The following ACER3 variants were observed in gnomAD, a reference collection of about 807,000 sequenced individuals.
ACER3 encodes the protein alkaline ceramidase 3.
ACER3 carries 16 observed loss-of-function variants against 48.9 expected under a neutral mutation model. The ratio of observed to expected loss-of-function variants is 0.33; its 90% CI spans 0.22 to 0.50. The LOEUF is 0.50. Ranked by LOEUF, ACER3 falls within the 20% of genes least tolerant of loss-of-function variation. ACER3 has a pLI of 0.98. For synonymous variants in ACER3, 109 were observed against 107.8 expected (o/e 1.01, Z -0.07); for missense variants, 227 against 326.0 (o/e 0.70, Z 2.34).
chr11:76,986,614 C>T, intron 5 of ACER3, among the ~76,000 whole-genome samples: 1 of 152,200 alleles, frequency 6.6e-6, no homozygotes, highest in East Asian at 1.9e-4. Context: ...TTCATTGTCT[C>T]ATTAAATCAT....
chr11:76,903,146 C>G (rs971397209), intron 1 of ACER3, among the ~76,000 whole-genome samples: 3 of 151,628 alleles, frequency 2.0e-5, no homozygotes, highest in African/African-American at 7.3e-5. Context: ...TTCAAATTGT[C>G]ACAAATCTCC....
At chr11:76,870,409 C>T (rs1021920912) in intron 1 of ACER3, among the ~76,000 whole-genome samples, 1 of 152,176 alleles carries the variant, frequency 6.6e-6, no homozygotes, top group African/African-American at 2.4e-5. Context: ...GCTGGGATTA[C>T]AGGTGTGAGC....
chr11:76,875,274 G>A (rs535996634), intron 1 of ACER3, among the ~76,000 whole-genome samples: 4 of 151,258 alleles, frequency 2.6e-5, no homozygotes, highest in East Asian at 3.9e-4. Context: ...CCACTACACC[G>A]GGCTAATTTT....
chr11:76,919,328 C>T (rs1946624770), intron 1 of ACER3, among the ~76,000 whole-genome samples: 1 of 152,178 alleles, frequency 6.6e-6, no homozygotes, highest in African/African-American at 2.4e-5. Flanking sequence ...ATTCACAATT[C>T]TCTTAAATTG....
intron 1 of ACER3, among the ~76,000 whole-genome samples, chr11:76,883,152 C>A (rs557504068): frequency 6.6e-6 from 1 of 152,324 alleles, no homozygotes; most frequent in South Asian, 2.1e-4. Context: ...GTGTACCCTG[C>A]ATTAGAATTT....
At chr11:76,933,940 C>T (rs938069192) in intron 2 of ACER3, among the ~76,000 whole-genome samples, 55 of 151,914 alleles carry the variant, frequency 3.6e-4, no homozygotes, top group African/African-American at 1.3e-3. Flanking sequence ...TCGGGGCGGC[C>T]GGGCAGAGAC....
intron 10 of ACER3, 87 bp from the exon 11 acceptor site, chr11:77,020,187 C>A (rs1949449080): frequency 7.2e-7 from 1 of 1,380,500 alleles, no homozygotes; most frequent in Non-Finnish European, 1.0e-6. Context: ...ATAGTCATAG[C>A]CCCATGGATT....
intron 2 of ACER3, among the ~76,000 whole-genome samples, chr11:76,952,133 TATATATACAC>T (rs772868635): frequency 5.0e-5 from 5 of 99,366 alleles, no homozygotes; most frequent in African/African-American, 8.4e-5. Flanking sequence ...ATATTATATA[TATATATACAC>T]ACACACACAC....
intron 1 of ACER3, 125 bp downstream of exon 1, chr11:76,861,204 A>C: frequency 6.6e-6 from 6 of 911,750 alleles, no homozygotes; most frequent in Non-Finnish European, 1.6e-6. Context: ...CGGGAGCTGG[A>C]ATGCGGCGCC....
chr11:76,925,519 C>T (rs1386855258), intron 1 of ACER3, among the ~76,000 whole-genome samples: 2 of 152,110 alleles, frequency 1.3e-5, no homozygotes, highest in African/African-American at 4.8e-5. Flanking sequence ...CCTTTTCTTC[C>T]TTTTCTTCTT....
At chr11:76,987,670 G>T (rs943083595) in intron 5 of ACER3, among the ~76,000 whole-genome samples, 2 of 152,188 alleles carry the variant, frequency 1.3e-5, no homozygotes, top group African/African-American at 4.8e-5. Flanking sequence ...AGGCACAGTG[G>T]CTCACACCTG....
At chr11:76,879,393 C>T (rs1382999377) in intron 1 of ACER3, among the ~76,000 whole-genome samples, 2 of 152,126 alleles carry the variant, frequency 1.3e-5, no homozygotes, top group African/African-American at 2.4e-5. Flanking sequence ...ATAGAAGTTT[C>T]ACTTCTTTCT....
chr11:76,982,032 T>C (rs918774449), intron 4 of ACER3, among the ~76,000 whole-genome samples: 1 of 152,172 alleles, frequency 6.6e-6, no homozygotes, highest in Admixed American at 6.5e-5. Flanking sequence ...CTCCATATAC[T>C]TGCCAAGACT....
intron 2 of ACER3, among the ~76,000 whole-genome samples, chr11:76,954,557 C>G (rs1364648461): frequency 6.6e-6 from 1 of 151,018 alleles, no homozygotes; most frequent in African/African-American, 2.4e-5. Context: ...TATAACTCCC[C>G]TTTTTTATGT....
At chr11:76,959,236 G>C in intron 3 of ACER3, 1 of 1,428,758 alleles carries the variant, frequency 7.0e-7, no homozygotes, top group Non-Finnish European at 9.2e-7. Flanking sequence ...AAATAGTATA[G>C]GGCTTTTTGA....
intron 2 of ACER3, among the ~76,000 whole-genome samples, chr11:76,931,670 A>G (rs1024202306): frequency 3.3e-5 from 5 of 152,062 alleles, no homozygotes; most frequent in African/African-American, 1.2e-4. Flanking sequence ...GGTGGTGACA[A>G]AATCTCTCAG....
rs11535857 is a variant in ACER3 at position 76,930,172 on chromosome 11, G to T, written c.214+3505G>T. Among the ~76,000 whole-genome samples, 20 of 152,034 alleles carry T rather than the reference G, an allele frequency of 1.3e-4. 1 individual carries two copies. The East Asian group carries it at 3.9e-3, about 29-fold the overall frequency. On this transcript the variant is annotated intron_variant, in intron 2 of 10. Transcript: ENST00000532485. ...GTCATTGGTGTATTCAGGGATTCAG[G>T]TTCTTCCTGGTTTAGTCTTGGGAGA...
intron 2 of ACER3, among the ~76,000 whole-genome samples, chr11:76,953,361 G>A (rs1638959768): frequency 6.6e-6 from 1 of 152,166 alleles, no homozygotes; most frequent in South Asian, 2.1e-4. Flanking sequence ...CGCTTTGGGA[G>A]GCCGAGGTGG....
chr11:76,866,349 A>G (rs780371393), intron 1 of ACER3, among the ~76,000 whole-genome samples: 11 of 152,204 alleles, frequency 7.2e-5, no homozygotes, highest in Admixed American at 7.2e-4. Flanking sequence ...ACAAGGAGGC[A>G]ACTCAACTAC....
Sources: allele counts gnomAD v4.1 joint callset (sites outside exome capture counted in the v4.1 genomes callset), GRCh38; gene constraint gnomAD v4.1.1; transcripts MANE v1.5; gene names NCBI Gene and HGNC (gene_info 2026-07-23, HGNC 2026-07-21).